Variants in IGSF10 observed in about 807,000 individuals in gnomAD.
The protein encoded by IGSF10 is immunoglobulin superfamily member 10, also known as calvaria mechanical force protein 608.
IGSF10 carries 126 observed loss-of-function variants against 128.2 expected under a neutral mutation model. That is an observed-to-expected ratio of 0.98 (90% CI 0.85 to 1.14). The LOEUF (loss-of-function observed/expected upper bound fraction) is 1.14, where lower values mean the gene tolerates loss of function less well. Among genes scored for constraint, IGSF10 ranks in the 50% most tolerant of loss-of-function variants. IGSF10 has a pLI of 0.00. For missense variants in IGSF10, 3,295 were observed against 3,149.8 expected, an observed-to-expected ratio of 1.05 and a Z score of -1.10; for synonymous variants, 1,185 against 1,146.2, an observed-to-expected ratio of 1.03 and a Z score of -0.68.
At chr3:151,508,588 C>T in the IGSF10 span, among the ~76,000 whole-genome samples, 1 of 152,088 alleles carries the variant, frequency 6.6e-6, no homozygotes, top group Non-Finnish European at 1.5e-5. Flanking sequence ...GGTTAAATGA[C>T]TATTGTTTTA....
At chr3:151,463,554 T>TTG, upstream of IGSF10, among the ~76,000 whole-genome samples, 1 of 112,868 alleles carries the variant, frequency 8.9e-6, no homozygotes, top group African/African-American at 3.8e-5. Context: ...TTTTTTTTTT[T>TTG]TTTTTTTCTG....
the IGSF10 span, among the ~76,000 whole-genome samples, chr3:151,504,879 T>C: frequency 6.6e-6 from 1 of 152,220 alleles, no homozygotes. Flanking sequence ...TCTCAGTAAG[T>C]TCCTCATCTC....
Position 151,448,755 on chromosome 3 carries a change from G to A in IGSF10, c.1226C>T (p.Pro409Leu). ...GTTGGTAAAAATGTCTTCAGGCTTAGGAGCCACCTGTTTATATTTGTAATA... is the reference window on the plus strand; with the variant it reads ...GTTGGTAAAAATGTCTTCAGGCTTAAGAGCCACCTGTTTATATTTGTAATA... ...QLYYKYKQVA[P>L]KPEDIFTNIE... The change falls in exon 6 of 8, where the codon CCT (proline) becomes CTT (leucine). Residue 409 changes from proline (P) to leucine (L), a missense_variant. Pro to Leu is a moderately conservative substitution (Grantham distance 98). Transcript: ENST00000282466. The A allele has an allele frequency of 6.2e-7, 1 of 1,613,680 alleles. No homozygotes were observed. The highest frequency in any genetic ancestry group is 8.5e-7 in the Non-Finnish European group (1 of 1,179,606).
chr3:151,492,672 C>T, the IGSF10 span, among the ~76,000 whole-genome samples: 8 of 152,048 alleles, frequency 5.3e-5, no homozygotes, highest in Non-Finnish European at 8.8e-5. Flanking sequence ...GAACCAAGAT[C>T]GCGCCACTGC....
chr3:151,614,334 G>T, the IGSF10 span, among the ~76,000 whole-genome samples: 3 of 152,138 alleles, frequency 2.0e-5, no homozygotes, highest in Non-Finnish European at 2.9e-5. Context: ...TATACCCAAA[G>T]GACTATAAAT....
the IGSF10 span, among the ~76,000 whole-genome samples, chr3:151,556,368 C>T: frequency 1.3e-5 from 2 of 152,160 alleles, no homozygotes; most frequent in Admixed American, 6.5e-5. Context: ...GAAGAATGCA[C>T]TCAATGAGCA....
chr3:151,529,824 C>T, the IGSF10 span, among the ~76,000 whole-genome samples: 11 of 152,092 alleles, frequency 7.2e-5, no homozygotes, highest in Middle Eastern at 3.4e-3. Flanking sequence ...TACAACTTTT[C>T]GCCAGCAAAG....
chr3:151,457,138 C>G lies in IGSF10; in HGVS notation c.212G>C (p.Arg71Thr). Reference protein sequence around the residue: ...RINLGYNSLVRLMETDFSGLT... With the variant: ...RINLGYNSLVTLMETDFSGLT... ...GCCAGAAAAATCTGTTTCCATCAAT[C>G]TAACCAAGCTGTTGTATCTGAAATA... The change falls in exon 4 of 8, where the codon AGA becomes ACA. Residue 71 changes from arginine (R) to threonine (T), a missense_variant. Arg to Thr is a moderately conservative substitution (Grantham distance 71). Coordinates refer to ENST00000282466, the MANE Select transcript of IGSF10 (RefSeq NM_178822.5). 6.2e-7 allele frequency: 1 copy of G among 1,614,152 alleles called. No individual in the cohort carries two copies. Among genetic ancestry groups the G allele is most frequent in the Non-Finnish European group, 8.5e-7 (1 of 1,180,004 alleles).
chr3:151,519,578 T>C, the IGSF10 span, among the ~76,000 whole-genome samples: 1 of 151,950 alleles, frequency 6.6e-6, no homozygotes, highest in East Asian at 1.9e-4. Flanking sequence ...TTGTTAAGAA[T>C]GTGGTTACTT....
At chr3:151,507,225 C>CA in the IGSF10 span, among the ~76,000 whole-genome samples, 1 of 152,104 alleles carries the variant, frequency 6.6e-6, no homozygotes, top group South Asian at 2.1e-4. Flanking sequence ...GTATAGTCTT[C>CA]ACAGTTCTGT....
At chr3:151,433,666 A>C (rs1719778312), downstream of IGSF10, 1 of 152,558 alleles carries the variant, frequency 6.6e-6, no homozygotes, top group Admixed American at 6.5e-5. Context: ...TGCCACCTTA[A>C]GGGGAAAAAA....
the IGSF10 span, among the ~76,000 whole-genome samples, chr3:151,482,937 A>C: frequency 0.81 from 122,419 of 151,488 alleles, 49,551 homozygotes; most frequent in Middle Eastern, 0.92. Context: ...GCTGGCCAAG[A>C]ATATTATGCT....
At position 151,447,799 on chromosome 3, in the gene IGSF10, G is replaced by A. The variant is rs761470693; in HGVS notation, c.2182C>T (p.Arg728Ter). 24 of 1,613,972 alleles carry A rather than the reference G, an allele frequency of 1.5e-5. No individual in the cohort carries two copies. The highest frequency in any genetic ancestry group is 1.6e-4 in the Middle Eastern group (1 of 6,084). ...RHNYRELTLQ[R>*]RGDSTHRRFR... ...CGTCGATGTGTTGAATCTCCACGTC[G>A]CTGGAGTGTTAATTCCCGATAGTTG... The change falls in exon 6 of 8, where the codon CGA becomes TGA. Residue 728 changes from arginine (R) to a stop codon, truncating the protein, a stop_gained. Coordinates refer to ENST00000282466, the MANE Select transcript of IGSF10 (RefSeq NM_178822.5). LOFTEE classifies it high-confidence loss of function.
the IGSF10 span, among the ~76,000 whole-genome samples, chr3:151,527,874 G>T: frequency 1.3e-4 from 19 of 151,924 alleles, no homozygotes; most frequent in Middle Eastern, 3.2e-3. Context: ...GATCACTTCA[G>T]CTTGGGAGGT....
Position 151,448,422 on chromosome 3 carries a change from G to C in IGSF10, c.1559C>G (p.Pro520Arg). 6.2e-7 allele frequency: 1 copy of C among 1,614,188 alleles called. No homozygotes were observed. Among genetic ancestry groups the C allele is most frequent in the Non-Finnish European group, 8.5e-7 (1 of 1,180,030 alleles). ...GATCCGTCCATCCTCACTGACATAA[G>C]GGGCTCTCACTTTACTTCCATCAGC... ...LLADGSKVRAPYVSEDGRILI... is the reference protein window; with the variant it reads ...LLADGSKVRARYVSEDGRILI... Residue 520 changes from proline (P) to arginine (R), a missense_variant, in exon 6 of 8, where the codon CCT becomes CGT. Physicochemically the swap from Pro to Arg is moderately radical, Grantham distance 103. Coordinates refer to ENST00000282466, the MANE Select transcript of IGSF10 (RefSeq NM_178822.5).
chr3:151,596,416 A>G, the IGSF10 span, among the ~76,000 whole-genome samples: 1 of 152,326 alleles, frequency 6.6e-6, no homozygotes, highest in South Asian at 2.1e-4. Flanking sequence ...GACAAACCAA[A>G]AATGCTTTCC....
the IGSF10 span, among the ~76,000 whole-genome samples, chr3:151,497,770 T>C: frequency 2.6e-5 from 4 of 152,170 alleles, no homozygotes; most frequent in African/African-American, 9.7e-5. Flanking sequence ...CTTTGGGCAG[T>C]ATGGCCATTT....
At chr3:151,520,769 C>T in the IGSF10 span, among the ~76,000 whole-genome samples, 2 of 151,708 alleles carry the variant, frequency 1.3e-5, no homozygotes, top group Non-Finnish European at 3.0e-5. Flanking sequence ...CTAGCTAATA[C>T]AAAAACACAC....
chr3:151,510,055 C>T, the IGSF10 span, among the ~76,000 whole-genome samples: 3 of 152,196 alleles, frequency 2.0e-5, no homozygotes, highest in African/African-American at 7.2e-5. Context: ...GGGGGCAGGG[C>T]ACAGACAAAC....
Sources: allele counts gnomAD v4.1 joint callset (sites outside exome capture counted in the v4.1 genomes callset), GRCh38; gene constraint gnomAD v4.1.1; transcripts MANE v1.5; gene names NCBI Gene and HGNC (gene_info 2026-07-23, HGNC 2026-07-21).